Variants in C10orf67 observed in about 807,000 individuals in gnomAD.
C10orf67 encodes chromosome 10 open reading frame 67, also known as uncharacterized protein C10orf67, mitochondrial.
In C10orf67, 60 loss-of-function variants were observed where a neutral mutation model predicts 35.6. That is an observed-to-expected ratio of 1.68 (90% CI 1.37 to 2.09). The LOEUF (loss-of-function observed/expected upper bound fraction) is 2.09. Ranked by LOEUF, C10orf67 falls within the 30% of genes most tolerant of loss-of-function variation. The probability of loss-of-function intolerance (pLI) is 0.00; values close to 1 mark genes in which losing one functional copy is unlikely to be tolerated. For missense variants in C10orf67, 474 were observed against 330.2 expected (o/e 1.44, Z -3.38); for synonymous variants, 167 against 115.8 (o/e 1.44, Z -2.84).
intron 7 of C10orf67, among the ~76,000 whole-genome samples, chr10:23,286,026 TAG>T (rs1298134898): frequency 1.3e-5 from 2 of 152,126 alleles, no homozygotes; most frequent in African/African-American, 4.8e-5. Flanking sequence ...GTACTCCTTA[TAG>T]AGAGTCAGAA....
rs545650824 is a variant in C10orf67, at chr10:23,319,349, T to C, written c.546+1392A>G. Reference sequence around the variant, plus strand: ...AAGGATGTGATTTTATTATTTTTTATGGCTGTGTAATATTCCATGGTGTAT... The same window carrying C: ...AAGGATGTGATTTTATTATTTTTTACGGCTGTGTAATATTCCATGGTGTAT... On this transcript the variant is annotated intron_variant, in intron 4 of 15. Coordinates refer to ENST00000636213, the MANE Select transcript of C10orf67 (RefSeq NM_001371909.1). Among the ~76,000 whole-genome samples, 15 of 152,338 alleles carry C rather than the reference T, an allele frequency of 9.8e-5. No homozygotes were observed. In the South Asian group the frequency reaches 2.7e-3, roughly 27 times the overall value.
chr10:23,279,324 G>T (rs1843295038), intron 8 of C10orf67, among the ~76,000 whole-genome samples: 2 of 152,246 alleles, frequency 1.3e-5, no homozygotes, highest in South Asian at 4.1e-4. Context: ...TATTCACAGA[G>T]CTTCCATGTA....
intron 1 of C10orf67, among the ~76,000 whole-genome samples, chr10:23,336,297 G>A (rs1218295973): frequency 2.0e-5 from 3 of 152,142 alleles, no homozygotes; most frequent in Admixed American, 2.0e-4. Context: ...TGGTATGAAT[G>A]CGTACTTTTA....
At chr10:23,261,339 ATC>A (rs1462954082) in intron 10 of C10orf67, among the ~76,000 whole-genome samples, 1 of 152,172 alleles carries the variant, frequency 6.6e-6, no homozygotes, top group Non-Finnish European at 1.5e-5. Flanking sequence ...TTGAAACAGG[ATC>A]TAGCTTTATT....
chr10:23,338,747 G>A (rs745968537), intron 1 of C10orf67, among the ~76,000 whole-genome samples: 1 of 152,086 alleles, frequency 6.6e-6, no homozygotes. Context: ...AGTGGTTCAC[G>A]CCTGCAATCC....
At chr10:23,333,020 C>G in intron 2 of C10orf67, 42 bp downstream of exon 2, 2 of 1,591,294 alleles carry the variant, frequency 1.3e-6, no homozygotes, top group Non-Finnish European at 1.7e-6. Context: ...GCAATTAACG[C>G]CAAAAATTAT....
Position 23,266,135 on chromosome 10 carries a change from G to A in C10orf67, c.1200+127C>T, listed in dbSNP as rs142536265. On this transcript the variant is annotated intron_variant, in intron 10 of 15. Coordinates refer to ENST00000636213, the MANE Select transcript of C10orf67 (RefSeq NM_001371909.1). ...ATGTTGGTTTAGAAATAGGCAGCTG[G>A]AGCCCCCCACTCAGGGGGTGAGAAC... 558 of 377,600 alleles carry A rather than the reference G, an allele frequency of 1.5e-3. 6 individuals are homozygous for A. The highest frequency in any genetic ancestry group is 0.012 in the African/African-American group (490 of 40,212). 23.4% of individuals were successfully genotyped at this position (377,600 alleles called of 1,614,324 possible). A position where few individuals can be genotyped will look rare whatever the true frequency, so the allele number is the denominator to read the frequency against.
chr10:23,339,338 G>T (rs1002723179), intron 1 of C10orf67, among the ~76,000 whole-genome samples: 1 of 141,242 alleles, frequency 7.1e-6, no homozygotes, highest in Non-Finnish European at 1.5e-5. Flanking sequence ...GAACCCAGAG[G>T]ATTCTTTGGG....
At chr10:23,311,687 G>C (rs1014712630) in intron 4 of C10orf67, among the ~76,000 whole-genome samples, 1 of 148,102 alleles carries the variant, frequency 6.8e-6, no homozygotes, top group Non-Finnish European at 1.5e-5. Flanking sequence ...CTCCAGCCTG[G>C]GCAACAAGAG....
At chr10:23,231,193 G>A (rs1388529883) in intron 13 of C10orf67, among the ~76,000 whole-genome samples, 1 of 152,052 alleles carries the variant, frequency 6.6e-6, no homozygotes, top group African/African-American at 2.4e-5. Context: ...CTTTAGTTAG[G>A]TATTTGGCTG....
At chr10:23,331,212 G>GAA (rs1466907823) in intron 2 of C10orf67, among the ~76,000 whole-genome samples, 2 of 27,788 alleles carry the variant, frequency 7.2e-5, no homozygotes, top group Admixed American at 3.2e-4. Flanking sequence ...AGGGAAGAGG[G>GAA]AAGGGAAGGG....
chr10:23,243,512 C>T lies in C10orf67; in HGVS notation c.1347-3696G>A, dbSNP rs184553728. Reference sequence around the variant, plus strand: ...CAGCCTGACCAACATGGAGAAATCCCGTCTCTACTAAAAATAGAAAAAAAA... The same window carrying T: ...CAGCCTGACCAACATGGAGAAATCCTGTCTCTACTAAAAATAGAAAAAAAA... On this transcript the variant is annotated intron_variant, in intron 12 of 15. Transcript: ENST00000636213. Among the ~76,000 whole-genome samples the T allele has an allele frequency of 1.9e-3, 289 of 151,800 alleles. 3 individuals are homozygous for T. The highest frequency in any genetic ancestry group is 6.4e-3 in the African/African-American group (266 of 41,392).
At chr10:23,281,991 G>C in intron 8 of C10orf67, 22 bp downstream of exon 8, 1 of 578,852 alleles carries the variant, frequency 1.7e-6, no homozygotes, top group South Asian at 2.3e-5. Context: ...AATTTGTTAG[G>C]AAATAATGTA....
In C10orf67 at chr10:23,344,790, G is replaced by C. The variant is rs1298323533; in HGVS notation, c.-16C>G. On this transcript the variant is annotated 5_prime_UTR_variant, in exon 1 of 16. Coordinates refer to ENST00000636213, the MANE Select transcript of C10orf67 (RefSeq NM_001371909.1). ...CCAAGGCCATCATAAGAGGAGAGCAGGCTGCCTAATAAGCTGTCTCCACCT... is the reference window on the plus strand; with the variant it reads ...CCAAGGCCATCATAAGAGGAGAGCACGCTGCCTAATAAGCTGTCTCCACCT... The C allele has an allele frequency of 6.5e-7, 1 of 1,549,340 alleles. No individual in the cohort carries two copies. Among genetic ancestry groups the C allele is most frequent in the East Asian group, 2.4e-5 (1 of 40,982 alleles).
rs187084905 is a variant in C10orf67 at position 23,322,458 on chromosome 10, T to A, written c.407A>T (p.Glu136Val). 15 of 1,609,446 alleles carry A rather than the reference T, an allele frequency of 9.3e-6. No homozygotes were observed. The East Asian group carries it at 3.3e-4, about 36-fold the overall frequency. Residue 136 changes from glutamate (E) to valine (V), a missense_variant, in exon 3 of 16, where the codon GAA becomes GTA. By Grantham distance (121) the Glu-to-Val change is moderately radical. Coordinates refer to ENST00000636213, the MANE Select transcript of C10orf67 (RefSeq NM_001371909.1). Reference sequence around the variant, plus strand: ...CAGAATGGTGAAGAGACTCAAAGATTCCTCTTTCAGTCGGTCCTCAAACTT... The same window carrying A: ...CAGAATGGTGAAGAGACTCAAAGATACCTCTTTCAGTCGGTCCTCAAACTT... Reference protein sequence around the residue: ...QLKFEDRLKEESLSLFTILHD... With the variant: ...QLKFEDRLKEVSLSLFTILHD...
At chr10:23,250,429 T>C (rs183661565) in intron 12 of C10orf67, 26 bp downstream of exon 12, 1 of 398,432 alleles carries the variant, frequency 2.5e-6, no homozygotes, top group African/African-American at 2.1e-5. Context: ...TTTTTAGAAA[T>C]AGAATTTGTA....
chr10:23,256,036 C>T (rs1276837806), intron 10 of C10orf67, among the ~76,000 whole-genome samples: 3 of 152,076 alleles, frequency 2.0e-5, no homozygotes, highest in African/African-American at 7.2e-5. Flanking sequence ...ACAGTTTGCT[C>T]CATGGCTCAG....
At chr10:23,214,552 G>A (rs1182359095) in intron 15 of C10orf67, among the ~76,000 whole-genome samples, 1 of 151,806 alleles carries the variant, frequency 6.6e-6, no homozygotes, top group African/African-American at 2.4e-5. Flanking sequence ...TAAGCTAGAG[G>A]AAAAAACAGA....
chr10:23,254,096 T>C (rs904376002), intron 10 of C10orf67, among the ~76,000 whole-genome samples: 1 of 152,168 alleles, frequency 6.6e-6, no homozygotes, highest in Non-Finnish European at 1.5e-5. Context: ...TGATAATAGA[T>C]TGATGTGAAA....
Sources: allele counts gnomAD v4.1 joint callset (sites outside exome capture counted in the v4.1 genomes callset), GRCh38; gene constraint gnomAD v4.1.1; transcripts MANE v1.5; gene names NCBI Gene and HGNC (gene_info 2026-07-23, HGNC 2026-07-21).